The following ZBTB38 variants were observed in gnomAD, a reference collection of about 807,000 sequenced individuals.
ZBTB38 encodes zinc finger and BTB domain-containing protein 38.
A neutral mutation model predicts 76.8 loss-of-function variants in ZBTB38; 20 were observed. That is an observed-to-expected ratio of 0.26 (90% confidence interval 0.18 to 0.38). The LOEUF (loss-of-function observed/expected upper bound fraction) is 0.38, where lower values mean the gene tolerates loss of function less well. ZBTB38 is among the 10% of genes least tolerant of loss of function. The pLI, the probability that ZBTB38 is intolerant of heterozygous loss-of-function variation, is 1.00. For synonymous variants in ZBTB38, 504 were observed against 544.2 expected (o/e 0.93, Z 1.03); for missense variants, 1,082 against 1,482.3 (o/e 0.73, Z 4.43).
chr3:141,392,437 C>T (rs933086486), intron 4 of ZBTB38, among the ~76,000 whole-genome samples: 2 of 152,226 alleles, frequency 1.3e-5, no homozygotes, highest in Non-Finnish European at 2.9e-5. Flanking sequence ...AAGGGTAGAG[C>T]ATTGTATGGA....
intron 1 of ZBTB38, among the ~76,000 whole-genome samples, chr3:141,359,203 T>G (rs577249947): frequency 3.9e-5 from 6 of 152,360 alleles, no homozygotes; most frequent in Admixed American, 1.3e-4. Flanking sequence ...GTACTGGTTT[T>G]TACACTCTGA....
chr3:141,408,886 C>T (rs888182920), intron 5 of ZBTB38, among the ~76,000 whole-genome samples: 8 of 152,112 alleles, frequency 5.3e-5, no homozygotes, highest in African/African-American at 1.9e-4. Context: ...ACCCACAGCT[C>T]CCAAGGAAAG....
At chr3:141,385,410 A>G (rs1559929733) in intron 3 of ZBTB38, among the ~76,000 whole-genome samples, 1 of 151,924 alleles carries the variant, frequency 6.6e-6, no homozygotes, top group Non-Finnish European at 1.5e-5. Flanking sequence ...AAAATAAAAG[A>G]CTTCTTGTTT....
chr3:141,354,883 C>T (rs79693587), intron 1 of ZBTB38, among the ~76,000 whole-genome samples: 2,902 of 152,138 alleles, frequency 0.019, 54 homozygotes, highest in Non-Finnish European at 0.028. Flanking sequence ...TAGGCGTAAC[C>T]AAGATGGAGG....
intron 1 of ZBTB38, among the ~76,000 whole-genome samples, chr3:141,344,463 G>T (rs1473622628): frequency 6.6e-6 from 1 of 152,154 alleles, no homozygotes; most frequent in Non-Finnish European, 1.5e-5. Context: ...CAACCTCCAA[G>T]GCTGAAATGA....
intron 5 of ZBTB38, among the ~76,000 whole-genome samples, chr3:141,421,780 A>C (rs1285626119): frequency 6.6e-6 from 1 of 152,212 alleles, no homozygotes; most frequent in East Asian, 1.9e-4. Flanking sequence ...ACTAAGCATC[A>C]TGCCCTCTGT....
intron 1 of ZBTB38, among the ~76,000 whole-genome samples, chr3:141,363,443 T>C (rs1046677716): frequency 2.6e-5 from 4 of 152,200 alleles, no homozygotes; most frequent in Non-Finnish European, 5.9e-5. Context: ...AGCCAAACGA[T>C]TTTGAAAGAG....
At chr3:141,401,890 T>C (rs986918009) in intron 4 of ZBTB38, among the ~76,000 whole-genome samples, 1 of 152,242 alleles carries the variant, frequency 6.6e-6, no homozygotes, top group South Asian at 2.1e-4. Flanking sequence ...TAGGCCTCTC[T>C]TGACGGCCAT....
At chr3:141,356,778 G>C (rs1943675026) in intron 1 of ZBTB38, among the ~76,000 whole-genome samples, 2 of 152,156 alleles carry the variant, frequency 1.3e-5, no homozygotes, top group Admixed American at 1.3e-4. Flanking sequence ...GTTCCTGCTA[G>C]GCTTCCTTAT....
chr3:141,358,536 CTTTA>C (rs1232818689), intron 1 of ZBTB38, among the ~76,000 whole-genome samples: 1 of 152,146 alleles, frequency 6.6e-6, no homozygotes, highest in Non-Finnish European at 1.5e-5. Flanking sequence ...TTAAAAATGG[CTTTA>C]TTATGATATG....
At chr3:141,352,488 AAG>A (rs1943546363) in intron 1 of ZBTB38, among the ~76,000 whole-genome samples, 2 of 152,234 alleles carry the variant, frequency 1.3e-5, no homozygotes, top group East Asian at 3.9e-4. Flanking sequence ...CTTCAAGTTT[AAG>A]AGAGAGATGA....
At chr3:141,345,036 A>G (rs1943306924) in intron 1 of ZBTB38, among the ~76,000 whole-genome samples, 1 of 152,198 alleles carries the variant, frequency 6.6e-6, no homozygotes, top group Non-Finnish European at 1.5e-5. Context: ...GGCCTATGGT[A>G]TTTCCAGACA....
chr3:141,437,249 C>T (rs2079013255), intron 5 of ZBTB38, among the ~76,000 whole-genome samples: 1 of 152,184 alleles, frequency 6.6e-6, no homozygotes, highest in African/African-American at 2.4e-5. Flanking sequence ...AACTCTGACT[C>T]TGTCTCTTTC....
chr3:141,398,397 C>CT (rs535470280), intron 4 of ZBTB38, among the ~76,000 whole-genome samples: 60 of 152,048 alleles, frequency 3.9e-4, no homozygotes, highest in African/African-American at 1.2e-3. Context: ...ACATTTTGGC[C>CT]TTTTATCTAC....
chr3:141,368,549 A>G lies in ZBTB38; in HGVS notation c.-565A>G, dbSNP rs1423519416. 6.6e-6 allele frequency: 1 copy of G among 152,140 alleles called. No individual in the cohort carries two copies. The highest frequency in any genetic ancestry group is 1.5e-5 in the Non-Finnish European group (1 of 68,070). 9.4% of individuals were successfully genotyped at this position (152,140 alleles called of 1,614,324 possible). The stretch of plus-strand genomic sequence containing the variant: ...AGCTGCAGCAAATCTCAAAATAAAG[A>G]GGCAACGGCCTTTCTCTTCCTCTCC... On this transcript the variant is annotated 5_prime_UTR_variant, in exon 1 of 6. Transcript: ENST00000321464.
At chr3:141,419,886 C>T (rs1252697507) in intron 5 of ZBTB38, among the ~76,000 whole-genome samples, 1 of 152,122 alleles carries the variant, frequency 6.6e-6, no homozygotes, top group African/African-American at 2.4e-5. Flanking sequence ...CTCGGGAAGG[C>T]TGAGGCAGGA....
At chr3:141,397,375 C>T (rs907980092) in intron 4 of ZBTB38, among the ~76,000 whole-genome samples, 1 of 152,150 alleles carries the variant, frequency 6.6e-6, no homozygotes, top group South Asian at 2.1e-4. Flanking sequence ...AATGTTGTGG[C>T]TCGTTTGATC....
At chr3:141,425,475 C>T (rs2076211743) in intron 5 of ZBTB38, among the ~76,000 whole-genome samples, 1 of 152,338 alleles carries the variant, frequency 6.6e-6, no homozygotes, top group East Asian at 1.9e-4. Flanking sequence ...TAAATGTTCA[C>T]CCCAGGGCCA....
chr3:141,395,524 C>T (rs1371969057), intron 4 of ZBTB38, among the ~76,000 whole-genome samples: 5 of 151,962 alleles, frequency 3.3e-5, no homozygotes, highest in South Asian at 2.1e-4. Flanking sequence ...GAAGATACTT[C>T]GTAGGTATTT....
Sources: allele counts gnomAD v4.1 joint callset (sites outside exome capture counted in the v4.1 genomes callset), GRCh38; gene constraint gnomAD v4.1.1; transcripts MANE v1.5; gene names NCBI Gene and HGNC (gene_info 2026-07-23, HGNC 2026-07-21).